Variants in KLF8 observed in about 807,000 individuals in gnomAD.
KLF8 encodes the protein KLF transcription factor 8.
Under a neutral mutation model 18.2 loss-of-function variants are expected in KLF8, and 10 were observed. That is an observed-to-expected ratio of 0.55 (90% confidence interval 0.34 to 0.93). The LOEUF is 0.93. Ranked by LOEUF, KLF8 falls within the 40% of genes least tolerant of loss-of-function variation. The probability of loss-of-function intolerance (pLI) is 0.02; values close to 1 mark genes in which losing one functional copy is unlikely to be tolerated. For missense variants in KLF8, 264 were observed against 277.9 expected (o/e 0.95, Z 0.36); for synonymous variants, 109 against 97.3 (o/e 1.12, Z -0.71).
the KLF8 span, among the ~76,000 whole-genome samples, chrX:55,948,414 G>A: frequency 8.9e-6 from 1 of 111,794 alleles, no homozygotes; most frequent in African/African-American, 3.3e-5. Context: ...TTTATAGTTT[G>A]CCCACTCCTG....
the KLF8 span, among the ~76,000 whole-genome samples, chrX:56,081,525 A>G: frequency 8.9e-6 from 1 of 112,007 alleles, no homozygotes; most frequent in African/African-American, 3.2e-5. Flanking sequence ...TTTCAATAGC[A>G]GTGGTGAAAG....
At chrX:55,926,744 G>A in the KLF8 span, among the ~76,000 whole-genome samples, 3 of 110,383 alleles carry the variant, frequency 2.7e-5, no homozygotes, top group Non-Finnish European at 5.7e-5. Flanking sequence ...GCAATTTTAG[G>A]AACATGGAGT....
chrX:55,936,848 G>A, the KLF8 span, among the ~76,000 whole-genome samples: 155 of 47,119 alleles, frequency 3.3e-3, 2 homozygotes, highest in East Asian at 0.077. Flanking sequence ...CGCCATTGCC[G>A]AGGCTTGAGT....
chrX:55,949,963 TTGAG>T, the KLF8 span, among the ~76,000 whole-genome samples: 1 of 110,972 alleles, frequency 9.0e-6, no homozygotes. Flanking sequence ...GTATTAAAGT[TTGAG>T]TAGTAGTATA....
At chrX:56,239,738 A>T (rs753788531) in intron 1 of KLF8, among the ~76,000 whole-genome samples, 1 of 112,295 alleles carries the variant, frequency 8.9e-6, no homozygotes, top group Non-Finnish European at 1.9e-5. Flanking sequence ...GACAATTATC[A>T]GGCCAGCTTT....
chrX:56,193,406 T>C, the KLF8 span, among the ~76,000 whole-genome samples: 7 of 111,603 alleles, frequency 6.3e-5, no homozygotes, highest in Non-Finnish European at 1.3e-4. Flanking sequence ...TGGAGAACAG[T>C]TTGGAGGTTC....
the KLF8 span, among the ~76,000 whole-genome samples, chrX:56,157,133 G>A: frequency 1.9e-5 from 2 of 103,592 alleles, no homozygotes; most frequent in Admixed American, 1.1e-4. Context: ...CTATTGCAAG[G>A]AGAAAAAAAC....
At chrX:56,051,453 A>G in the KLF8 span, among the ~76,000 whole-genome samples, 14 of 109,850 alleles carry the variant, frequency 1.3e-4, no homozygotes, top group Non-Finnish European at 2.5e-4. Context: ...AGCTCTTGTA[A>G]GGCAGGCCTG....
chrX:56,129,534 C>T, the KLF8 span, among the ~76,000 whole-genome samples: 6 of 111,094 alleles, frequency 5.4e-5, no homozygotes, highest in East Asian at 1.1e-3. Flanking sequence ...CATCTGGGTC[C>T]CTGGGGAAGC....
At chrX:56,272,067 A>G (rs890676357) in intron 5 of KLF8, among the ~76,000 whole-genome samples, 4 of 111,655 alleles carry the variant, frequency 3.6e-5, no homozygotes, top group African/African-American at 1.3e-4. Context: ...CTAGTGGTGT[A>G]AGCTTCCCAT....
the KLF8 span, among the ~76,000 whole-genome samples, chrX:55,969,139 G>A: frequency 8.9e-6 from 1 of 111,862 alleles, no homozygotes; most frequent in African/African-American, 3.2e-5. Context: ...TCAATTGAAT[G>A]GCTGCAGGAT....
rs140970363 is a variant in KLF8, at chrX:56,256,511, G to A, written c.81+6207G>A. The stretch of plus-strand genomic sequence containing the variant: ...TTTAAGATGAATTATTAGATTGTCT[G>A]TTTGAAGTTTTTTCTGTCTTCTGAT... On this transcript the variant is annotated intron_variant, in intron 2 of 5. Coordinates refer to ENST00000468660, the MANE Select transcript of KLF8 (RefSeq NM_007250.5). 5.5e-4 allele frequency among the ~76,000 whole-genome samples: 61 copies of A among 110,681 alleles called. 1 individual carries two copies. In the East Asian group the frequency reaches 0.016, roughly 29 times the overall value.
At chrX:56,136,982 C>T in the KLF8 span, among the ~76,000 whole-genome samples, 12 of 112,163 alleles carry the variant, frequency 1.1e-4, no homozygotes, top group Non-Finnish European at 2.3e-4. Context: ...GACATTTATG[C>T]AGCCAAAAAA....
intron 1 of KLF8, among the ~76,000 whole-genome samples, chrX:56,247,447 G>C (rs1048154398): frequency 5.0e-4 from 56 of 111,601 alleles, no homozygotes; most frequent in African/African-American, 1.8e-3. Flanking sequence ...GTGTACACTA[G>C]GCTACACTAA....
chrX:56,029,874 G>A, the KLF8 span, among the ~76,000 whole-genome samples: 7 of 111,575 alleles, frequency 6.3e-5, no homozygotes, highest in South Asian at 7.6e-4. Context: ...CTGGCCTGGC[G>A]TTCTCCCTCC....
the KLF8 span, among the ~76,000 whole-genome samples, chrX:56,173,834 C>T: frequency 1.8e-5 from 2 of 111,384 alleles, no homozygotes; most frequent in African/African-American, 3.3e-5. Flanking sequence ...AAGTTGGATT[C>T]CTAGGTATTT....
chrX:56,065,198 T>C, the KLF8 span, among the ~76,000 whole-genome samples: 1 of 111,980 alleles, frequency 8.9e-6, no homozygotes, highest in East Asian at 2.8e-4. Flanking sequence ...TGTTTCCCCT[T>C]CACCTTCTGG....
At chrX:56,041,672 T>TGTTGTTGTTGTG in the KLF8 span, among the ~76,000 whole-genome samples, 9,860 of 40,057 alleles carry the variant, frequency 0.25, 819 homozygotes, top group African/African-American at 0.3. Context: ...CTAGTTTTGT[T>TGTTGTTGTTGTG]GTTGTTGTTG....
intron 2 of KLF8, among the ~76,000 whole-genome samples, chrX:56,254,910 T>G (rs1304850342): frequency 9.0e-6 from 1 of 111,545 alleles, no homozygotes; most frequent in African/African-American, 3.3e-5. Flanking sequence ...AACGGAAATA[T>G]AAGTTCTCAC....
Sources: allele counts gnomAD v4.1 joint callset (sites outside exome capture counted in the v4.1 genomes callset), GRCh38; gene constraint gnomAD v4.1.1; transcripts MANE v1.5; gene names NCBI Gene and HGNC (gene_info 2026-07-23, HGNC 2026-07-21).